FOXP2: variants seen among roughly 807,000 people sequenced by gnomAD.
FOXP2 encodes forkhead box protein P2.
A neutral mutation model predicts 115.8 loss-of-function variants in FOXP2; 12 were observed. The observed-to-expected ratio is 0.10, with a 90% CI of 0.07 to 0.17. The LOEUF is 0.17. Ranked by LOEUF, FOXP2 falls within the 10% of genes least tolerant of loss-of-function variation. The pLI is 1.00. For missense variants in FOXP2, 629 were observed against 843.5 expected (o/e 0.75, Z 3.15); for synonymous variants, 328 against 297.7 (o/e 1.10, Z -1.05).
At chr7:114,275,503 T>C (rs1478436302) in intron 1 of FOXP2, among the ~76,000 whole-genome samples, 1 of 152,198 alleles carries the variant, frequency 6.6e-6, no homozygotes, top group Non-Finnish European at 1.5e-5. Flanking sequence ...TTTTTAAATC[T>C]CTAGTTTTCT....
chr7:114,313,520 C>T lies in FOXP2; in HGVS notation c.-11+25411C>T, dbSNP rs1213559286. On this transcript the variant is annotated intron_variant, in intron 2 of 17. Coordinates refer to the FOXP2 transcript ENST00000634411. ...CAGCACTTTGGGAGGCCGAGGCGGG[C>T]GGATCACGAGGTCAGGAGATCGAGA... 3.0e-4 allele frequency among the ~76,000 whole-genome samples: 16 copies of T among 54,034 alleles called. 2 individuals carry two copies. The highest frequency in any genetic ancestry group is 9.3e-4 in the Admixed American group (8 of 8,592). 35.4% of individuals were successfully genotyped at this position (54,034 alleles called of 152,430 possible).
rs937447458 is a variant in FOXP2, at chr7:114,557,523, A to G, written c.258+22817A>G. On this transcript the variant is annotated intron_variant, in intron 3 of 16. Coordinates refer to ENST00000350908, the MANE Select transcript of FOXP2 (RefSeq NM_014491.4). ...ATTTTTTTCTGACTCCCAAATTTTA[A>G]AATGTCGATTTCACTTCCTAATTAG... 2.0e-5 allele frequency among the ~76,000 whole-genome samples: 3 copies of G among 152,258 alleles called. No homozygotes were observed. The East Asian group carries it at 5.8e-4, about 29-fold the overall frequency.
In FOXP2 at chr7:114,276,340, T is replaced by A. The variant is rs564490753; in HGVS notation, c.-101-11679T>A. Among the ~76,000 whole-genome samples, 86 of 152,190 alleles carry A rather than the reference T, an allele frequency of 5.7e-4. 1 individual carries two copies. In the South Asian group the frequency reaches 0.018, roughly 31 times the overall value. On this transcript the variant is annotated intron_variant, in intron 1 of 17. Coordinates refer to the FOXP2 transcript ENST00000634411. ...GCCTGGCTAATTTTTATATTTTGTA[T>A]TTTTAGTAGACACAGGGTTTCATCA...
chr7:114,642,324 G>A, intron 6 of FOXP2, 86 bp from the exon 7 acceptor site: 1 of 1,004,364 alleles, frequency 1.0e-6, no homozygotes, highest in Non-Finnish European at 1.5e-6. Context: ...GTTGTTGTTG[G>A]TATTAATCTA....
In FOXP2 at chr7:114,306,638, G is replaced by A. The variant is rs12155504; in HGVS notation, c.-11+18529G>A. Reference sequence around the variant, plus strand: ...CTTATGGCTGCTCTAATAAATTACTGCAAACTCAGTGATTTAAGACAACAT... The same window carrying A: ...CTTATGGCTGCTCTAATAAATTACTACAAACTCAGTGATTTAAGACAACAT... On this transcript the variant is annotated intron_variant, in intron 2 of 17. Coordinates refer to the FOXP2 transcript ENST00000634411. Among the ~76,000 whole-genome samples the A allele has an allele frequency of 9.1e-3, 1,389 of 152,144 alleles. 10 individuals are homozygous for A. Among genetic ancestry groups the A allele is most frequent in the Non-Finnish European group, 0.015 (1,027 of 67,994 alleles).
chr7:114,623,893 C>T (rs760295999), intron 3 of FOXP2, among the ~76,000 whole-genome samples: 2 of 151,810 alleles, frequency 1.3e-5, no homozygotes, highest in Middle Eastern at 3.2e-3. Context: ...TAAAAGATTG[C>T]GTTAAATAGC....
At chr7:114,099,797 G>A (rs1403222724) in intron 1 of FOXP2, among the ~76,000 whole-genome samples, 10 of 152,076 alleles carry the variant, frequency 6.6e-5, no homozygotes, top group Admixed American at 6.6e-4. Context: ...GGGACATGTA[G>A]GCCAAAGGAT....
chr7:114,616,891 A>G (rs1482128148), intron 3 of FOXP2, among the ~76,000 whole-genome samples: 2 of 152,136 alleles, frequency 1.3e-5, no homozygotes, highest in African/African-American at 4.8e-5. Context: ...CCTGGGCAAC[A>G]TAGTGAGGCC....
At chr7:114,351,729 A>G (rs2129185922) in intron 2 of FOXP2, among the ~76,000 whole-genome samples, 1 of 152,238 alleles carries the variant, frequency 6.6e-6, no homozygotes, top group South Asian at 2.1e-4. Context: ...ACAATGGAAG[A>G]AATTTGTAGG....
chr7:114,394,649 A>G (rs1792696055), intron 2 of FOXP2, among the ~76,000 whole-genome samples: 2 of 152,172 alleles, frequency 1.3e-5, no homozygotes, highest in African/African-American at 4.8e-5. Context: ...TAATGAGAAA[A>G]ACGAGCATCA....
At chr7:114,608,405 T>C (rs939492600) in intron 3 of FOXP2, among the ~76,000 whole-genome samples, 1 of 152,188 alleles carries the variant, frequency 6.6e-6, no homozygotes, top group Admixed American at 6.5e-5. Flanking sequence ...ACCGTCTTCA[T>C]AGGCAGTTCA....
intron 3 of FOXP2, among the ~76,000 whole-genome samples, chr7:114,574,630 G>A (rs2129297940): frequency 6.6e-6 from 1 of 151,910 alleles, no homozygotes; most frequent in Non-Finnish European, 1.5e-5. Flanking sequence ...TCATCTGCCT[G>A]AATGACCTCA....
intron 2 of FOXP2, among the ~76,000 whole-genome samples, chr7:114,408,770 G>A (rs1793097275): frequency 6.6e-6 from 1 of 151,718 alleles, no homozygotes; most frequent in African/African-American, 2.4e-5. Flanking sequence ...TAAATACAAT[G>A]AATGTGTGCC....
At chr7:114,452,110 A>G (rs907994337) in intron 2 of FOXP2, among the ~76,000 whole-genome samples, 1 of 151,982 alleles carries the variant, frequency 6.6e-6, no homozygotes, top group Non-Finnish European at 1.5e-5. Context: ...TTGTAGTACC[A>G]TATTCTCATA....
At chr7:114,086,799 C>T (rs1197490022), upstream of FOXP2, among the ~76,000 whole-genome samples, 4 of 152,190 alleles carry the variant, frequency 2.6e-5, no homozygotes, top group African/African-American at 9.7e-5. Flanking sequence ...AATTTGGGCT[C>T]GGCGTTGGGG....
intron 3 of FOXP2, among the ~76,000 whole-genome samples, chr7:114,611,365 C>A (rs936091087): frequency 6.6e-6 from 1 of 151,300 alleles, no homozygotes; most frequent in African/African-American, 2.4e-5. Context: ...AATTTTATTG[C>A]CCTCAGAAGC....
At chr7:114,657,168 G>A (rs928510155) in intron 10 of FOXP2, among the ~76,000 whole-genome samples, 1 of 152,182 alleles carries the variant, frequency 6.6e-6, no homozygotes, top group Non-Finnish European at 1.5e-5. Context: ...CAAAAGATGT[G>A]TGGTAAATAT....
chr7:114,508,144 T>C (rs574447710), intron 2 of FOXP2, among the ~76,000 whole-genome samples: 2 of 152,108 alleles, frequency 1.3e-5, no homozygotes, highest in African/African-American at 2.4e-5. Flanking sequence ...ATGTGATAGA[T>C]AGTGGATTGG....
chr7:114,526,100 G>A (rs1798843053), intron 2 of FOXP2, among the ~76,000 whole-genome samples: 1 of 136,554 alleles, frequency 7.3e-6, no homozygotes, highest in Non-Finnish European at 1.5e-5. Flanking sequence ...CAACAAGAGT[G>A]AAATTTCGTC....
Sources: gnomAD v4.1 joint callset for allele counts (sites outside exome capture counted in the v4.1 genomes callset) on GRCh38, gnomAD v4.1.1 for gene constraint, MANE v1.5 for transcripts, NCBI Gene and HGNC (gene_info 2026-07-23, HGNC 2026-07-21) for gene names.